Variants in ASCC2 observed in about 807,000 individuals in gnomAD.
The protein encoded by ASCC2 is activating signal cointegrator 1 complex subunit 2.
A neutral mutation model predicts 93.5 loss-of-function variants in ASCC2; 42 were observed. That is an observed-to-expected ratio of 0.45 (90% CI 0.35 to 0.58). The LOEUF (loss-of-function observed/expected upper bound fraction) is 0.58, where lower values mean the gene tolerates loss of function less well. Among genes scored for constraint, ASCC2 ranks in the 20% least tolerant of loss-of-function variants. ASCC2 has a pLI of 0.00. For synonymous variants in ASCC2, 364 were observed against 384.2 expected (o/e 0.95, Z 0.62); for missense variants, 859 against 977.6 (o/e 0.88, Z 1.62).
intron 1 of ASCC2, among the ~76,000 whole-genome samples, chr22:29,835,951 G>A (rs560153314): frequency 6.6e-6 from 1 of 152,216 alleles, no homozygotes; most frequent in East Asian, 1.9e-4. Flanking sequence ...TGGGGGAAAA[G>A]GTGACATTCC....
intron 15 of ASCC2, among the ~76,000 whole-genome samples, chr22:29,797,208 C>G (rs1249844276): frequency 6.6e-6 from 1 of 152,198 alleles, no homozygotes; most frequent in East Asian, 1.9e-4. Flanking sequence ...TGCAGAGACC[C>G]TCTGGAGCAG....
intron 2 of ASCC2, among the ~76,000 whole-genome samples, chr22:29,830,344 G>A (rs1046919535): frequency 6.6e-6 from 1 of 152,150 alleles, no homozygotes; most frequent in Non-Finnish European, 1.5e-5. Flanking sequence ...AAATGAACAC[G>A]AAGCCTGTAC....
chr22:29,828,738 G>A (rs1193313342), intron 2 of ASCC2, among the ~76,000 whole-genome samples: 1 of 152,148 alleles, frequency 6.6e-6, no homozygotes, highest in Non-Finnish European at 1.5e-5. Flanking sequence ...TGGTTTGGAT[G>A]GGGAAAGGGT....
rs748997801 is a variant in ASCC2, at chr22:29,822,716, C to CTTTTTTTT, written c.412-260_412-253dup. On this transcript the variant is annotated intron_variant, in intron 4 of 19. Coordinates refer to ENST00000307790, the MANE Select transcript of ASCC2 (RefSeq NM_032204.5). ...TTTACAACTGGCTGTATTATCATGTCTTTTTTTTTTTTTTTTTTTTTTGAT... is the reference window on the plus strand; with the variant it reads ...TTTACAACTGGCTGTATTATCATGTCTTTTTTTTTTTTTTTTTTTTTTTTTTTTTTGAT... 1.2e-4 allele frequency among the ~76,000 whole-genome samples: 11 copies of CTTTTTTTT among 93,024 alleles called. 1 individual carries two copies. Among genetic ancestry groups the CTTTTTTTT allele is most frequent in the Non-Finnish European group, 1.5e-4 (7 of 46,964 alleles). The allele number at this position is 93,024 out of a possible 152,430, so 61.0% of individuals were successfully genotyped here.
Position 29,825,858 on chromosome 22 carries a change from A to G in ASCC2, c.82-78T>C. On this transcript the variant is annotated intron_variant, in intron 2 of 19. Transcript: ENST00000307790. The surrounding 1 kb of genome is among the most constrained non-coding windows in gnomAD (Gnocchi z 4.9). ...CCATTTGCCAACCCACAGCAATGAC[A>G]ACACTTGGCTGTTCCAACCGGTGAC... 6.6e-7 allele frequency: 1 copy of G among 1,510,370 alleles called. No individual in the cohort carries two copies. The highest frequency in any genetic ancestry group is 8.9e-7 in the Non-Finnish European group (1 of 1,118,568). The allele number at this position is 1,510,370 out of a possible 1,614,324, so 93.6% of individuals were successfully genotyped here.
Position 29,820,913 on chromosome 22 carries a change from C to CAAA in ASCC2, c.541+1419_541+1421dup, listed in dbSNP as rs376815823. 1.5e-3 allele frequency among the ~76,000 whole-genome samples: 103 copies of CAAA among 69,270 alleles called. 3 individuals carry two copies. Among genetic ancestry groups the CAAA allele is most frequent in the Non-Finnish European group, 3.2e-3 (90 of 27,794 alleles). The allele number at this position is 69,270 out of a possible 152,430, so 45.4% of individuals were successfully genotyped here. On this transcript the variant is annotated intron_variant, in intron 5 of 19. Coordinates refer to ENST00000307790, the MANE Select transcript of ASCC2 (RefSeq NM_032204.5). Reference sequence around the variant, plus strand: ...AAGAGCGAAACTCCATCTCAATACACAAAAAAAAAAAAAAAAAAAGGAAAG... The same window carrying CAAA: ...AAGAGCGAAACTCCATCTCAATACACAAAAAAAAAAAAAAAAAAAAAAGGAAAG...
chr22:29,827,635 T>G (rs757112846), intron 2 of ASCC2: 2 of 469,994 alleles, frequency 4.3e-6, no homozygotes, highest in Non-Finnish European at 8.8e-6. Context: ...CTGAAACAAG[T>G]TCAAAACAAC....
intron 1 of ASCC2, chr22:29,833,757 C>G (rs2063432352): frequency 2.7e-6 from 1 of 364,498 alleles, no homozygotes; most frequent in Non-Finnish European, 5.5e-6. Flanking sequence ...TAAACTGTCA[C>G]CTCTTGAGCC....
chr22:29,818,716 C>T (rs182064910), intron 5 of ASCC2, among the ~76,000 whole-genome samples: 6 of 152,142 alleles, frequency 3.9e-5, no homozygotes, highest in Admixed American at 2.6e-4. Context: ...AGTGAGTAGG[C>T]TTTCTCACTC....
At chr22:29,790,235 C>A (rs2068820685) in intron 19 of ASCC2, among the ~76,000 whole-genome samples, 1 of 152,236 alleles carries the variant, frequency 6.6e-6, no homozygotes, top group African/African-American at 2.4e-5. Flanking sequence ...TCCATCTTTG[C>A]TACATCACCT....
At chr22:29,835,334 G>A (rs1442073704) in intron 1 of ASCC2, among the ~76,000 whole-genome samples, 1 of 151,864 alleles carries the variant, frequency 6.6e-6, no homozygotes, top group African/African-American at 2.4e-5. Flanking sequence ...GGAGATCAAG[G>A]CTGCAGTAAG....
chr22:29,834,029 C>T (rs1376275024), intron 1 of ASCC2: 1 of 165,090 alleles, frequency 6.1e-6, no homozygotes. Flanking sequence ...CTCTTCTCAG[C>T]ATTAACTTAC....
chr22:29,806,844 G>A lies in ASCC2; in HGVS notation c.969C>T (p.Phe323=), dbSNP rs924776948. The change falls in exon 10 of 20, where the codon TTC becomes TTT. Residue 323 remains phenylalanine (F), a synonymous_variant. Transcript: ENST00000307790. ...SHSRKKLMEI[F]HIILNQICLL... is the part of the protein sequence containing the mutation. ...GGCAGATCTGGTTCAGGATGATGTG[G>A]AAAATCTCCATTAGCTTCTTCCTGG... 17 of 1,614,094 alleles carry A rather than the reference G, an allele frequency of 1.1e-5. No homozygotes were observed. The highest frequency in any genetic ancestry group is 1.4e-5 in the Non-Finnish European group (17 of 1,179,954).
intron 15 of ASCC2, among the ~76,000 whole-genome samples, chr22:29,798,986 G>A (rs1319316697): frequency 6.6e-6 from 1 of 152,246 alleles, no homozygotes; most frequent in African/African-American, 2.4e-5. Flanking sequence ...CAGGAACAAG[G>A]GCACAGTGTT....
chr22:29,820,317 C>T (rs981588764), intron 5 of ASCC2, among the ~76,000 whole-genome samples: 5 of 152,134 alleles, frequency 3.3e-5, no homozygotes, highest in African/African-American at 1.2e-4. Context: ...TGCACACCAC[C>T]ACACCTGGCT....
intron 19 of ASCC2, among the ~76,000 whole-genome samples, chr22:29,789,757 T>C (rs1188620891): frequency 6.6e-6 from 1 of 152,198 alleles, no homozygotes; most frequent in Non-Finnish European, 1.5e-5. Flanking sequence ...TCCAAATGCC[T>C]TCCCTGTGGC....
intron 5 of ASCC2, among the ~76,000 whole-genome samples, chr22:29,820,960 T>C (rs1021281175): frequency 2.0e-5 from 3 of 148,298 alleles, no homozygotes; most frequent in African/African-American, 5.0e-5. Flanking sequence ...GTGACCATTA[T>C]AAGGGATAAC....
chr22:29,826,689 C>G (rs7285800), intron 2 of ASCC2, among the ~76,000 whole-genome samples: 1 of 151,936 alleles, frequency 6.6e-6, no homozygotes, highest in Non-Finnish European at 1.5e-5. Context: ...TTACAAGGTA[C>G]AGAGAAGGTG....
intron 17 of ASCC2, among the ~76,000 whole-genome samples, chr22:29,793,011 T>C (rs1317653729): frequency 1.3e-5 from 2 of 151,842 alleles, no homozygotes; most frequent in Admixed American, 1.3e-4. Flanking sequence ...CGGGGTGTGG[T>C]GGTGCACACC....
Sources: allele counts gnomAD v4.1 joint callset (sites outside exome capture counted in the v4.1 genomes callset), GRCh38; gene constraint gnomAD v4.1.1; non-coding constraint Gnocchi (gnomAD v3.1); transcripts MANE v1.5; gene names NCBI Gene and HGNC (gene_info 2026-07-23, HGNC 2026-07-21).